CALN1: variants seen among roughly 807,000 people sequenced by gnomAD.
CALN1 encodes the protein calneuron 1.
CALN1 carries 17 observed loss-of-function variants against 30.6 expected under a neutral mutation model. The observed-to-expected ratio is 0.56, with a 90% CI of 0.38 to 0.83. The LOEUF is 0.83. CALN1 is among the 40% of genes least tolerant of loss of function. The probability of loss-of-function intolerance (pLI) is 0.00; values close to 1 mark genes in which losing one functional copy is unlikely to be tolerated. For missense variants in CALN1, 291 were observed against 354.9 expected (o/e 0.82, Z 1.45); for synonymous variants, 156 against 131.4 (o/e 1.19, Z -1.28).
chr7:72,349,538 G>A (rs961237651), intron 2 of CALN1, among the ~76,000 whole-genome samples: 1 of 151,984 alleles, frequency 6.6e-6, no homozygotes, highest in African/African-American at 2.4e-5. Context: ...ATTATAGCAG[G>A]AGAACAAAGA....
chr7:72,410,851 G>T (rs149050051), intron 1 of CALN1, among the ~76,000 whole-genome samples: 1 of 152,180 alleles, frequency 6.6e-6, no homozygotes, highest in African/African-American at 2.4e-5. Context: ...GCTAAAATCA[G>T]AAAAAATACA....
At chr7:71,814,834 CTTTT>C (rs201392659) in intron 5 of CALN1, among the ~76,000 whole-genome samples, 1 of 142,202 alleles carries the variant, frequency 7.0e-6, no homozygotes, top group African/African-American at 2.6e-5. Flanking sequence ...AGTTAATCAA[CTTTT>C]TTTTTTTTTT....
At chr7:71,795,216 T>C (rs1015237850) in intron 6 of CALN1, among the ~76,000 whole-genome samples, 1 of 152,038 alleles carries the variant, frequency 6.6e-6, no homozygotes, top group Non-Finnish European at 1.5e-5. Flanking sequence ...GAGACGGGGT[T>C]TCATCATGTT....
intron 3 of CALN1, among the ~76,000 whole-genome samples, chr7:72,140,651 A>G (rs751746097): frequency 1.1e-4 from 17 of 152,236 alleles, no homozygotes; most frequent in Admixed American, 1.1e-3. Context: ...TGGTAGGATA[A>G]ATGAATGAAC....
chr7:71,824,065 G>A (rs900601684), intron 5 of CALN1, among the ~76,000 whole-genome samples: 3 of 152,000 alleles, frequency 2.0e-5, no homozygotes, highest in African/African-American at 7.3e-5. Context: ...ATTTGGGTGG[G>A]GACACAGCCA....
chr7:72,121,840 TATC>T (rs1808416841), intron 3 of CALN1, among the ~76,000 whole-genome samples: 1 of 147,820 alleles, frequency 6.8e-6, no homozygotes. Context: ...TAAACCTGTT[TATC>T]ATTATAATAT....
chr7:72,061,443 C>T (rs1039524208), intron 4 of CALN1, among the ~76,000 whole-genome samples: 1 of 150,954 alleles, frequency 6.6e-6, no homozygotes, highest in Non-Finnish European at 1.5e-5. Context: ...CAAATCCTCT[C>T]GAGAGGAATG....
chr7:72,423,517 C>A (rs905474601), intron 1 of CALN1, among the ~76,000 whole-genome samples: 6 of 152,196 alleles, frequency 3.9e-5, no homozygotes, highest in Non-Finnish European at 7.3e-5. Context: ...CCCCAGGAGA[C>A]CCAGAGATAC....
intron 5 of CALN1, among the ~76,000 whole-genome samples, chr7:71,955,033 T>C (rs1584601280): frequency 2.0e-5 from 3 of 152,206 alleles, no homozygotes; most frequent in African/African-American, 7.2e-5. Context: ...AATAAAGATA[T>C]ACCCAAGTCT....
In CALN1 at chr7:72,387,651, T is replaced by TTGAGAC. The variant is rs551114470; in HGVS notation, c.119+15594_119+15599dup. On this transcript the variant is annotated intron_variant, in intron 2 of 6. Coordinates refer to ENST00000395275, the MANE Select transcript of CALN1 (RefSeq NM_031468.4). ...GAGAAAACCGTCAGATGAATCCCAC[T>TTGAGAC]TGAGACAGTCTACAATATACATACC... 3.2e-4 allele frequency among the ~76,000 whole-genome samples: 48 copies of TTGAGAC among 152,264 alleles called. 1 individual carries two copies. The South Asian group carries it at 1.0e-2, about 32-fold the overall frequency.
chr7:72,410,573 T>C (rs1234008437), intron 1 of CALN1, among the ~76,000 whole-genome samples: 2 of 152,170 alleles, frequency 1.3e-5, no homozygotes, highest in African/African-American at 4.8e-5. Flanking sequence ...TCAAATCAGC[T>C]CAATTCTTCT....
At chr7:71,907,303 G>A (rs1002134044) in intron 5 of CALN1, among the ~76,000 whole-genome samples, 3 of 151,402 alleles carry the variant, frequency 2.0e-5, no homozygotes, top group Admixed American at 1.3e-4. Context: ...CATCGCAAGC[G>A]TCTCCAGAAT....
chr7:71,991,852 G>T (rs1798971946), intron 5 of CALN1, among the ~76,000 whole-genome samples: 1 of 152,130 alleles, frequency 6.6e-6, no homozygotes. Flanking sequence ...AAACTGATTT[G>T]ATTTGATAAT....
At chr7:72,392,802 A>G (rs951994949) in intron 2 of CALN1, among the ~76,000 whole-genome samples, 1 of 150,242 alleles carries the variant, frequency 6.7e-6, no homozygotes, top group African/African-American at 2.5e-5. Context: ...ACATAGCAAG[A>G]CCCTGTTTAA....
At chr7:71,918,835 T>G in intron 5 of CALN1, among the ~76,000 whole-genome samples, 1 of 152,194 alleles carries the variant, frequency 6.6e-6, no homozygotes, top group East Asian at 1.9e-4. Context: ...TCTTCCTTCC[T>G]TTGTGAGACA....
At chr7:72,368,659 A>G (rs1804028508) in intron 2 of CALN1, among the ~76,000 whole-genome samples, 1 of 152,154 alleles carries the variant, frequency 6.6e-6, no homozygotes, top group South Asian at 2.1e-4. Flanking sequence ...TCTGAAAGTG[A>G]TTGATACGCT....
At chr7:72,387,877 G>A (rs146980007) in intron 2 of CALN1, among the ~76,000 whole-genome samples, 2 of 152,290 alleles carry the variant, frequency 1.3e-5, no homozygotes, top group South Asian at 2.1e-4. Flanking sequence ...GTTACCAGAG[G>A]TTGGGGAGAA....
intron 3 of CALN1, among the ~76,000 whole-genome samples, chr7:72,244,031 G>C (rs562277816): frequency 6.6e-6 from 1 of 152,256 alleles, no homozygotes; most frequent in Non-Finnish European, 1.5e-5. Flanking sequence ...CTGCTGAATG[G>C]AATGAGGACT....
At chr7:72,309,820 T>C (rs914152717) in intron 2 of CALN1, among the ~76,000 whole-genome samples, 1 of 152,164 alleles carries the variant, frequency 6.6e-6, no homozygotes, top group Admixed American at 6.5e-5. Flanking sequence ...TGAAACGACC[T>C]TCCTTCATCA....
Sources: gnomAD v4.1 joint callset for allele counts (sites outside exome capture counted in the v4.1 genomes callset) on GRCh38, gnomAD v4.1.1 for gene constraint, MANE v1.5 for transcripts, NCBI Gene and HGNC (gene_info 2026-07-23, HGNC 2026-07-21) for gene names.